Variants in SPOCK1 observed in about 807,000 individuals in gnomAD.
The protein encoded by SPOCK1 is SPARC (osteonectin), cwcv and kazal like domains proteoglycan 1, also known as testican-1.
SPOCK1 carries 23 observed loss-of-function variants against 55.3 expected under a neutral mutation model. The ratio of observed to expected loss-of-function variants is 0.42; its 90% confidence interval spans 0.30 to 0.59. The LOEUF is 0.59. Ranked by LOEUF, SPOCK1 falls within the 20% of genes least tolerant of loss-of-function variation. The pLI is 0.22. For missense variants in SPOCK1, 499 were observed against 552.5 expected (o/e 0.90, Z 0.97); for synonymous variants, 226 against 221.0 (o/e 1.02, Z -0.20).
At chr5:137,149,845 G>A (rs896797265) in intron 3 of SPOCK1, among the ~76,000 whole-genome samples, 1 of 152,148 alleles carries the variant, frequency 6.6e-6, no homozygotes, top group Non-Finnish European at 1.5e-5. Flanking sequence ...AGAGGAGAGA[G>A]GCAGCTTTGC....
chr5:137,465,348 G>C (rs558533503), intron 2 of SPOCK1, among the ~76,000 whole-genome samples: 26 of 152,164 alleles, frequency 1.7e-4, no homozygotes, highest in African/African-American at 6.3e-4. Flanking sequence ...TTAAAATCAT[G>C]ACAGCTGAAC....
chr5:137,162,401 A>C (rs1475505988), intron 3 of SPOCK1, among the ~76,000 whole-genome samples: 1 of 152,144 alleles, frequency 6.6e-6, no homozygotes, highest in Non-Finnish European at 1.5e-5. Flanking sequence ...GGCCTCCTGA[A>C]GTGCTGGGAT....
At chr5:137,466,354 G>T (rs1291166222) in intron 2 of SPOCK1, among the ~76,000 whole-genome samples, 1 of 152,170 alleles carries the variant, frequency 6.6e-6, no homozygotes, top group African/African-American at 2.4e-5. Flanking sequence ...CTCCTAAAGG[G>T]GCTTATTTCA....
intron 3 of SPOCK1, among the ~76,000 whole-genome samples, chr5:137,247,927 C>A (rs1261327116): frequency 6.6e-6 from 1 of 152,156 alleles, no homozygotes; most frequent in East Asian, 1.9e-4. Context: ...CCCAAAAACC[C>A]AAACACCTCT....
intron 2 of SPOCK1, among the ~76,000 whole-genome samples, chr5:137,405,473 G>T (rs558930892): frequency 3.3e-5 from 5 of 152,120 alleles, no homozygotes; most frequent in Non-Finnish European, 7.3e-5. Context: ...AGAAACGAGG[G>T]TCCTCCTGCG....
intron 5 of SPOCK1, among the ~76,000 whole-genome samples, chr5:137,097,727 C>T (rs1312931939): frequency 6.6e-6 from 1 of 152,164 alleles, no homozygotes; most frequent in African/African-American, 2.4e-5. Flanking sequence ...CCTGCTGTGG[C>T]CTAATGCTCA....
intron 4 of SPOCK1, among the ~76,000 whole-genome samples, chr5:137,123,822 T>A (rs1405748429): frequency 6.6e-6 from 1 of 152,114 alleles, no homozygotes; most frequent in Non-Finnish European, 1.5e-5. Flanking sequence ...ACACTGAACA[T>A]CCCTGTATAT....
Position 137,334,042 on chromosome 5 carries a change from A to T in SPOCK1, c.187-66987T>A, listed in dbSNP as rs560578333. Among the ~76,000 whole-genome samples, 135 of 152,292 alleles carry T rather than the reference A, an allele frequency of 8.9e-4. 1 individual carries two copies. Among genetic ancestry groups the T allele is most frequent in the African/African-American group, 3.2e-3 (133 of 41,556 alleles). On this transcript the variant is annotated intron_variant, in intron 2 of 10. Coordinates refer to ENST00000394945, the MANE Select transcript of SPOCK1 (RefSeq NM_004598.4). ...AGGGTGCCCCGTCAGATCCCCATGG[A>T]GTCCTATTCTCTAGGGGTCTCTGCC...
chr5:137,455,031 A>G (rs1209173481), intron 2 of SPOCK1, among the ~76,000 whole-genome samples: 3 of 152,200 alleles, frequency 2.0e-5, no homozygotes, highest in Non-Finnish European at 4.4e-5. Flanking sequence ...CATTGTCTTA[A>G]TGGGTAAGTT....
chr5:137,241,254 C>A (rs1456033149), intron 3 of SPOCK1, among the ~76,000 whole-genome samples: 1 of 152,136 alleles, frequency 6.6e-6, no homozygotes, highest in African/African-American at 2.4e-5. Flanking sequence ...AAACACATAA[C>A]AATGAAACTT....
intron 5 of SPOCK1, among the ~76,000 whole-genome samples, chr5:137,088,876 A>G (rs1419101502): frequency 2.0e-5 from 3 of 152,200 alleles, no homozygotes; most frequent in African/African-American, 7.2e-5. Flanking sequence ...AAATTTGGAA[A>G]GAATGATGTA....
At chr5:137,190,640 C>T (rs1755163845) in intron 3 of SPOCK1, among the ~76,000 whole-genome samples, 1 of 152,110 alleles carries the variant, frequency 6.6e-6, no homozygotes, top group Non-Finnish European at 1.5e-5. Context: ...CTAAGGTATG[C>T]CTGTACTCTG....
At chr5:137,269,578 C>T (rs931171892) in intron 2 of SPOCK1, among the ~76,000 whole-genome samples, 2 of 152,172 alleles carry the variant, frequency 1.3e-5, no homozygotes, top group Non-Finnish European at 2.9e-5. Context: ...CGTGATCACT[C>T]CTGCACACTG....
chr5:137,338,601 T>C (rs1750341555), intron 2 of SPOCK1, among the ~76,000 whole-genome samples: 1 of 152,036 alleles, frequency 6.6e-6, no homozygotes, highest in African/African-American at 2.4e-5. Flanking sequence ...CACACTGACT[T>C]CCACAATGGT....
At chr5:137,150,222 C>T (rs146880574) in intron 3 of SPOCK1, among the ~76,000 whole-genome samples, 2 of 152,194 alleles carry the variant, frequency 1.3e-5, no homozygotes, top group African/African-American at 4.8e-5. Flanking sequence ...CACTTTGTCC[C>T]GAAAACTTCT....
intron 3 of SPOCK1, among the ~76,000 whole-genome samples, chr5:137,190,830 G>A (rs774376441): frequency 4.6e-5 from 7 of 152,130 alleles, no homozygotes; most frequent in Non-Finnish European, 7.3e-5. Flanking sequence ...ATTCCTCCAA[G>A]AGACTGAGGT....
chr5:137,183,354 A>G (rs1360421325), intron 3 of SPOCK1, among the ~76,000 whole-genome samples: 2 of 152,174 alleles, frequency 1.3e-5, no homozygotes, highest in South Asian at 2.1e-4. Flanking sequence ...TAAAAGGGGC[A>G]TGGAAGACAT....
intron 6 of SPOCK1, among the ~76,000 whole-genome samples, chr5:137,008,281 A>G (rs1359449355): frequency 7.1e-6 from 1 of 140,720 alleles, no homozygotes; most frequent in Non-Finnish European, 1.5e-5. Context: ...CAGAACTTAA[A>G]GTATAATAAT....
chr5:137,438,066 T>C (rs1286340382), intron 2 of SPOCK1, among the ~76,000 whole-genome samples: 1 of 152,180 alleles, frequency 6.6e-6, no homozygotes, highest in Non-Finnish European at 1.5e-5. Flanking sequence ...CCAAGGTTTA[T>C]CCATGTTTTA....
Sources: allele counts gnomAD v4.1 joint callset (sites outside exome capture counted in the v4.1 genomes callset), GRCh38; gene constraint gnomAD v4.1.1; transcripts MANE v1.5; gene names NCBI Gene and HGNC (gene_info 2026-07-23, HGNC 2026-07-21).